HNF4A: variants seen among roughly 807,000 people sequenced by gnomAD.
The protein encoded by HNF4A is hepatocyte nuclear factor 4-alpha.
Under a neutral mutation model 52.4 loss-of-function variants are expected in HNF4A, and 15 were observed. That is an observed-to-expected ratio of 0.29 (90% confidence interval 0.19 to 0.44). The LOEUF (loss-of-function observed/expected upper bound fraction) is 0.44. Ranked by LOEUF, HNF4A falls within the 20% of genes least tolerant of loss-of-function variation. HNF4A has a pLI of 1.00. For synonymous variants in HNF4A, 280 were observed against 264.4 expected (o/e 1.06, Z -0.57); for missense variants, 479 against 647.2 (o/e 0.74, Z 2.82).
At chr20:44,420,086 C>A (rs1600734804) in intron 7 of HNF4A, among the ~76,000 whole-genome samples, 1 of 152,208 alleles carries the variant, frequency 6.6e-6, no homozygotes, top group African/African-American at 2.4e-5. Context: ...AATCCCAGCA[C>A]TTTGGGAGGC....
intron 1 of HNF4A, among the ~76,000 whole-genome samples, 193 bp from the exon 2 acceptor site, chr20:44,405,865 A>G (rs1389972770): frequency 6.6e-6 from 1 of 152,226 alleles, no homozygotes; most frequent in Admixed American, 6.5e-5. Context: ...GTGAAGTCAC[A>G]ACCAGCCCCA....
intron 1 of HNF4A, among the ~76,000 whole-genome samples, chr20:44,370,594 A>G (rs1400756625): frequency 6.6e-6 from 1 of 152,166 alleles, no homozygotes; most frequent in East Asian, 1.9e-4. Context: ...TGATCTGTTT[A>G]TCATCTGTCT....
In HNF4A at chr20:44,368,160, A is replaced by ATTTTTTTTT; in HGVS notation, c.49+12323_49+12331dup. ...TATATACATATATATATATATATAT[A>ATTTTTTTTT]TTTTTTTTTTTTTTTTTTTTTTTTG... On this transcript the variant is annotated intron_variant, in intron 1 of 9. Transcript: ENST00000316673. Among the ~76,000 whole-genome samples the ATTTTTTTTT allele has an allele frequency of 3.6e-4, 10 of 27,780 alleles. 1 individual carries two copies. Among genetic ancestry groups the ATTTTTTTTT allele is most frequent in the Non-Finnish European group, 4.8e-4 (8 of 16,752 alleles). The allele number at this position is 27,780 out of a possible 152,430, so 18.2% of individuals were successfully genotyped here. A position where few individuals can be genotyped will look rare whatever the true frequency, so the allele number is the denominator to read the frequency against.
chr20:44,402,465 C>A, intron 1 of HNF4A: 1 of 846,506 alleles, frequency 1.2e-6, no homozygotes, highest in Non-Finnish European at 1.7e-6. Flanking sequence ...CTGGTGTGCA[C>A]GACTGCACAG....
At chr20:44,396,077 AGGGATTCCAGG>A (rs2063350390) in intron 1 of HNF4A, among the ~76,000 whole-genome samples, 1 of 152,164 alleles carries the variant, frequency 6.6e-6, no homozygotes, top group South Asian at 2.1e-4. Context: ...AAGTCCTTTC[AGGGATTCCAGG>A]AGTCATGATG....
upstream of HNF4A, chr20:44,401,214 C>A (rs987345594): frequency 1.5e-5 from 23 of 1,508,286 alleles, no homozygotes; most frequent in African/African-American, 2.3e-4. Context: ...CACCCCTTCA[C>A]AGAGGCTAGG....
intron 2 of HNF4A, among the ~76,000 whole-genome samples, chr20:44,406,998 A>T (rs2063509994): frequency 6.6e-6 from 1 of 152,162 alleles, no homozygotes; most frequent in Non-Finnish European, 1.5e-5. Flanking sequence ...AGAGAGGCTT[A>T]TGTGAACCGA....
Position 44,428,470 on chromosome 20 carries a change from G to T in HNF4A, c.1265G>T (p.Arg422Leu). 6.2e-7 allele frequency: 1 copy of T among 1,614,070 alleles called. No homozygotes were observed. Among genetic ancestry groups the T allele is most frequent in the Non-Finnish European group, 8.5e-7 (1 of 1,179,996 alleles). Residue 422 changes from arginine (R) to leucine (L), a missense_variant, in exon 9 of 10, where the codon CGA becomes CTA. By Grantham distance (102) the Arg-to-Leu change is moderately radical. This residue lies in a region of HNF4A where 389 missense variants were observed against 525.1 expected (regional missense o/e 0.74). Coordinates refer to ENST00000316099, the MANE Select transcript of HNF4A (RefSeq NM_000457.6). Reference sequence around the variant, plus strand: ...AACGGACAGATGTGTGAGTGGCCCCGACCCAGGGGACAGGCAGGTGGGCAA... The same window carrying T: ...AACGGACAGATGTGTGAGTGGCCCCTACCCAGGGGACAGGCAGGTGGGCAA...
rs184557525 is a variant in HNF4A, at chr20:44,427,598, C to A, written c.1130-737C>A. On this transcript the variant is annotated intron_variant, in intron 8 of 9. Transcript: ENST00000316099. Reference sequence around the variant, plus strand: ...CCCATGTGGTATTTTTACTCCCTGACATATGTTTGAAGCGGTTACTGTGTT... The same window carrying A: ...CCCATGTGGTATTTTTACTCCCTGAAATATGTTTGAAGCGGTTACTGTGTT... Among the ~76,000 whole-genome samples the A allele has an allele frequency of 7.9e-5, 12 of 152,294 alleles. No individual in the cohort carries two copies. The East Asian group carries it at 2.3e-3, about 29-fold the overall frequency.
At chr20:44,380,657 C>T (rs927487079) in intron 1 of HNF4A, among the ~76,000 whole-genome samples, 10 of 152,244 alleles carry the variant, frequency 6.6e-5, no homozygotes, top group South Asian at 6.2e-4. Context: ...TTATATATTT[C>T]GGACATTAAC....
At chr20:44,406,769 T>G (rs974458442) in intron 2 of HNF4A, among the ~76,000 whole-genome samples, 1 of 152,260 alleles carries the variant, frequency 6.6e-6, no homozygotes, top group African/African-American at 2.4e-5. Context: ...GTACAAAGAC[T>G]GTGCCCCATC....
intron 5 of HNF4A, among the ~76,000 whole-genome samples, chr20:44,415,239 A>C (rs1426230912): frequency 6.6e-6 from 1 of 152,158 alleles, no homozygotes; most frequent in Non-Finnish European, 1.5e-5. Flanking sequence ...AAAAGTACAA[A>C]AATCAGGTGA....
intron 1 of HNF4A, among the ~76,000 whole-genome samples, chr20:44,379,923 G>A (rs1457097379): frequency 5.9e-5 from 9 of 152,000 alleles, no homozygotes; most frequent in Admixed American, 1.3e-4. Flanking sequence ...TAGTAGAGAT[G>A]GGGTTTCACC....
chr20:44,390,227 G>A (rs978277142), intron 1 of HNF4A, among the ~76,000 whole-genome samples: 3 of 152,268 alleles, frequency 2.0e-5, no homozygotes, highest in South Asian at 2.1e-4. Context: ...GGAGAAACAC[G>A]CTCAGAAAGG....
intron 1 of HNF4A, chr20:44,384,667 C>T (rs895595630): frequency 7.9e-5 from 12 of 152,280 alleles, no homozygotes; most frequent in South Asian, 2.1e-4. Flanking sequence ...GCTCACATCT[C>T]GTTACCTGAA....
chr20:44,434,062 C>G (rs2063902587), downstream of HNF4A: 1 of 152,220 alleles, frequency 6.6e-6, no homozygotes, highest in Admixed American at 6.5e-5. Context: ...GGGATGCCTA[C>G]ATATGGGGAC....
At chr20:44,419,299 T>C (rs760288608) in intron 6 of HNF4A, among the ~76,000 whole-genome samples, 9 of 152,232 alleles carry the variant, frequency 5.9e-5, no homozygotes, top group Middle Eastern at 3.2e-3. Flanking sequence ...CCTCATCTTA[T>C]AGATAAGAAA....
At chr20:44,428,205 A>C in intron 8 of HNF4A, 130 bp from the exon 9 acceptor site, 1 of 907,572 alleles carries the variant, frequency 1.1e-6, no homozygotes, top group Non-Finnish European at 1.8e-6. Context: ...TAACCCAGGA[A>C]TAGGTACCCA....
Position 44,411,536 on chromosome 20 carries a change from G to A in HNF4A, c.386-2158G>A, listed in dbSNP as rs148566219. On this transcript the variant is annotated intron_variant, in intron 3 of 9. Coordinates refer to ENST00000316099, the MANE Select transcript of HNF4A (RefSeq NM_000457.6). Reference sequence around the variant, plus strand: ...AGGCTGCCGTGGGAGGGGTGTGGGCGGGTGGGGTGGACGGCCCGGTCAGGG... The same window carrying A: ...AGGCTGCCGTGGGAGGGGTGTGGGCAGGTGGGGTGGACGGCCCGGTCAGGG... 4.6e-3 allele frequency among the ~76,000 whole-genome samples: 705 copies of A among 152,110 alleles called. 5 individuals are homozygous for A. Among genetic ancestry groups the A allele is most frequent in the African/African-American group, 0.016 (673 of 41,514 alleles).
Sources: gnomAD v4.1 joint callset for allele counts (sites outside exome capture counted in the v4.1 genomes callset) on GRCh38, gnomAD v4.1.1 for gene constraint, gnomAD v4.1.1 regional missense constraint, MANE v1.5 for transcripts, NCBI Gene and HGNC (gene_info 2026-07-23, HGNC 2026-07-21) for gene names.